The following PCTP variants were observed in gnomAD, a reference collection of about 807,000 sequenced individuals.
PCTP encodes phosphatidylcholine transfer protein.
PCTP carries 27 observed loss-of-function variants against 31.0 expected under a neutral mutation model. That is an observed-to-expected ratio of 0.87 (90% CI 0.64 to 1.20). The LOEUF (loss-of-function observed/expected upper bound fraction) is 1.20. Ranked by LOEUF, PCTP falls within the 50% of genes most tolerant of loss-of-function variation. The probability of loss-of-function intolerance (pLI) is 0.00; values close to 1 mark genes in which losing one functional copy is unlikely to be tolerated. For synonymous variants in PCTP, 108 were observed against 101.2 expected (o/e 1.07, Z -0.40); for missense variants, 287 against 268.2 (o/e 1.07, Z -0.49).
chr17:55,805,886 ATG>A (rs58345619), intron 3 of PCTP, among the ~76,000 whole-genome samples: 22,286 of 142,360 alleles, frequency 0.16, 3,804 homozygotes, highest in African/African-American at 0.43. Context: ...CTCAATCTGT[ATG>A]TGTGTGTGTG....
intron 1 of PCTP, among the ~76,000 whole-genome samples, chr17:55,764,833 G>A (rs1423819875): frequency 1.3e-5 from 2 of 152,228 alleles, no homozygotes; most frequent in Non-Finnish European, 2.9e-5. Context: ...GGATGCAAGA[G>A]TTCATCCAAA....
chr17:55,826,244 C>T (rs34059103), downstream of PCTP, among the ~76,000 whole-genome samples: 10,663 of 152,160 alleles, frequency 0.07, 514 homozygotes, highest in Middle Eastern at 0.15. Context: ...CAAGAACATC[C>T]TCATGTGGCC....
exon 4 of PCTP, chr17:55,822,835 G>T (rs1905279922): frequency 8.1e-7 from 1 of 1,229,420 alleles, no homozygotes; most frequent in African/African-American, 1.6e-5. Flanking sequence ...CAAACATTCT[G>T]CAATAGATTG....
At chr17:55,755,252 G>A (rs1909948468) in intron 1 of PCTP, among the ~76,000 whole-genome samples, 1 of 152,150 alleles carries the variant, frequency 6.6e-6, no homozygotes, top group Non-Finnish European at 1.5e-5. Context: ...TGTGTGGTAC[G>A]AGCTGGTTGT....
chr17:55,839,945 A>AAAAC (rs1555572114), intron 5 of PCTP, among the ~76,000 whole-genome samples: 1 of 143,902 alleles, frequency 6.9e-6, no homozygotes, highest in Non-Finnish European at 1.6e-5. Context: ...AAAAAAAAAA[A>AAAAC]AACAACTGAA....
At chr17:55,820,352 G>C (rs1007894205) in intron 3 of PCTP, among the ~76,000 whole-genome samples, 2 of 152,160 alleles carry the variant, frequency 1.3e-5, no homozygotes, top group Admixed American at 6.5e-5. Flanking sequence ...ATTTCTCATA[G>C]TTCTGGAGGC....
chr17:55,807,189 T>C lies in PCTP; in HGVS notation c.318-15572T>C, dbSNP rs73314358. Among the ~76,000 whole-genome samples, 844 of 152,244 alleles carry C rather than the reference T, an allele frequency of 5.5e-3. 10 individuals are homozygous for C. Among genetic ancestry groups the C allele is most frequent in the African/African-American group, 0.019 (783 of 41,552 alleles). On this transcript the variant is annotated intron_variant, in intron 3 of 3. Coordinates refer to the PCTP transcript ENST00000572536. Reference sequence around the variant, plus strand: ...TCTAGTCTTTACAGCAGTAAAACCATGTTGATAGGTTATGGGATTTCTTTC... The same window carrying C: ...TCTAGTCTTTACAGCAGTAAAACCACGTTGATAGGTTATGGGATTTCTTTC...
chr17:55,784,916 G>T (rs527403706), intron 2 of PCTP, among the ~76,000 whole-genome samples: 1 of 152,240 alleles, frequency 6.6e-6, no homozygotes, highest in South Asian at 2.1e-4. Context: ...ACATACAGTG[G>T]TCTTTGCATT....
At chr17:55,851,580 A>C in the PCTP span, among the ~76,000 whole-genome samples, 1 of 152,250 alleles carries the variant, frequency 6.6e-6, no homozygotes, top group Admixed American at 6.5e-5. Context: ...CACAAATAAT[A>C]ATGGAAACCT....
At chr17:55,828,000 A>T (rs1051611658), downstream of PCTP, among the ~76,000 whole-genome samples, 3 of 152,200 alleles carry the variant, frequency 2.0e-5, no homozygotes, top group Non-Finnish European at 4.4e-5. Flanking sequence ...TCAAGGGTGT[A>T]TATTAATATA....
rs917810832 is a variant in PCTP at position 55,839,942 on chromosome 17, A to G, written n.506-2785A>G. On this transcript the variant is annotated intron_variant and non_coding_transcript_variant, in intron 5 of 5. Coordinates refer to the PCTP transcript ENST00000576221. ...CTCAAAAAAAAAAAAAAAAAAAAAA[A>G]AAAAACAACTGAAGCACGTTTTCAA... 3.3e-5 allele frequency among the ~76,000 whole-genome samples: 5 copies of G among 150,610 alleles called. No homozygotes were observed. The East Asian group carries it at 9.7e-4, about 29-fold the overall frequency.
chr17:55,818,559 A>C (rs533684284), intron 3 of PCTP, among the ~76,000 whole-genome samples: 10 of 152,214 alleles, frequency 6.6e-5, no homozygotes, highest in African/African-American at 2.4e-4. Context: ...ACAACTTCAT[A>C]GGGTTATTGT....
chr17:55,822,559 GAAAGAGGATAA>G (rs1000358085), intron 3 of PCTP, among the ~76,000 whole-genome samples: 1 of 152,154 alleles, frequency 6.6e-6, no homozygotes, highest in Admixed American at 6.5e-5. Flanking sequence ...GGGTTTTTGA[GAAAGAGGATAA>G]AAATCAGCTC....
chr17:55,822,120 CT>C lies in PCTP; in HGVS notation c.318-639del, dbSNP rs1238973774. ...GTCCTGTTACTGTTGGCTCTGTCTG[CT>C]TCCTAGTTCCAAGAAACAAAACGTG... On this transcript the variant is annotated intron_variant, in intron 3 of 3. Transcript: ENST00000572536. Among the ~76,000 whole-genome samples the C allele has an allele frequency of 2.6e-5, 4 of 152,176 alleles. No homozygotes were observed. In the East Asian group the frequency reaches 7.7e-4, roughly 29 times the overall value.
chr17:55,837,514 A>G (rs77171193), intron 5 of PCTP, among the ~76,000 whole-genome samples: 2,307 of 152,212 alleles, frequency 0.015, 58 homozygotes, highest in African/African-American at 0.052. Flanking sequence ...ATCTTTTTCA[A>G]TGCCCTTTCG....
chr17:55,778,161 AG>A (rs564388419), downstream of PCTP, among the ~76,000 whole-genome samples: 335 of 149,092 alleles, frequency 2.2e-3, 2 homozygotes, highest in South Asian at 3.9e-3. Flanking sequence ...TCACGAGCTG[AG>A]GTTATGTAGG....
At chr17:55,816,423 G>T (rs986678510) in intron 3 of PCTP, among the ~76,000 whole-genome samples, 24 of 152,146 alleles carry the variant, frequency 1.6e-4, no homozygotes, top group Non-Finnish European at 2.9e-5. Flanking sequence ...CCAAAAACCT[G>T]GTACCTAGTA....
At chr17:55,825,203 G>C (rs950826720), downstream of PCTP, among the ~76,000 whole-genome samples, 1 of 152,030 alleles carries the variant, frequency 6.6e-6, no homozygotes, top group East Asian at 1.9e-4. Flanking sequence ...CTTTTAATCC[G>C]AGCTCTGAGA....
intron 5 of PCTP, among the ~76,000 whole-genome samples, chr17:55,832,184 C>G (rs150216184): frequency 1.3e-5 from 2 of 152,322 alleles, no homozygotes; most frequent in Non-Finnish European, 2.9e-5. Context: ...TGTCACTACG[C>G]CGTTGGAAGT....
Sources: gnomAD v4.1 joint callset for allele counts (sites outside exome capture counted in the v4.1 genomes callset) on GRCh38, gnomAD v4.1.1 for gene constraint, MANE v1.5 for transcripts, NCBI Gene and HGNC (gene_info 2026-07-23, HGNC 2026-07-21) for gene names.